Variants in BACH2 observed in about 807,000 individuals in gnomAD.
The protein encoded by BACH2 is transcription regulator protein BACH2.
BACH2 carries 5 observed loss-of-function variants against 61.8 expected under a neutral mutation model. The observed-to-expected ratio is 0.08, with a 90% CI of 0.04 to 0.17. BACH2 has a LOEUF of 0.17. Among genes scored for constraint, BACH2 ranks in the 10% least tolerant of loss-of-function variants. The pLI, the probability that BACH2 is intolerant of heterozygous loss-of-function variation, is 1.00. For missense variants in BACH2, 824 were observed against 1,091.1 expected (o/e 0.76, Z 3.45); for synonymous variants, 446 against 440.1 (o/e 1.01, Z -0.17).
intron 7 of BACH2, 65 bp from the exon 8 acceptor site, chr6:89,938,415 C>T: frequency 1.4e-6 from 2 of 1,413,990 alleles, no homozygotes; most frequent in Non-Finnish European, 9.8e-7. Context: ...GGCGGAACAT[C>T]AAAAATGATA....
chr6:90,246,533 A>G (rs1376404661), intron 3 of BACH2, among the ~76,000 whole-genome samples: 1 of 152,180 alleles, frequency 6.6e-6, no homozygotes, highest in Non-Finnish European at 1.5e-5. Context: ...TAAGATACAT[A>G]CATTCACCCG....
chr6:90,100,782 A>G (rs948228890), intron 4 of BACH2, among the ~76,000 whole-genome samples: 7 of 146,242 alleles, frequency 4.8e-5, no homozygotes, highest in African/African-American at 1.5e-4. Flanking sequence ...GCAGAACCCT[A>G]ACTAATATAC....
intron 4 of BACH2, among the ~76,000 whole-genome samples, chr6:90,100,263 G>C (rs1782557517): frequency 6.6e-6 from 1 of 152,070 alleles, no homozygotes; most frequent in South Asian, 2.1e-4. Flanking sequence ...AGACATATTT[G>C]GACATGTTTT....
Position 90,090,994 on chromosome 6 carries a change from TTGTA to T in BACH2, c.-161-1889_-161-1886del, listed in dbSNP as rs536400317. ...GTGTGTCCACTCCAATGCCAGGTCC[TTGTA>T]TGTATTATCTCATTTAACGCCAAGT... On this transcript the variant is annotated intron_variant, in intron 4 of 8. Transcript: ENST00000257749. Among the ~76,000 whole-genome samples the T allele has an allele frequency of 4.1e-3, 630 of 152,330 alleles. 7 individuals carry two copies. The highest frequency in any genetic ancestry group is 2.4e-3 in the Non-Finnish European group (163 of 68,034).
At chr6:90,086,376 G>A (rs1309903425) in intron 5 of BACH2, among the ~76,000 whole-genome samples, 1 of 151,954 alleles carries the variant, frequency 6.6e-6, no homozygotes, top group East Asian at 1.9e-4. Flanking sequence ...TGGATCACTT[G>A]GTAATCCTGT....
chr6:90,178,389 A>G (rs1182919060), intron 4 of BACH2, among the ~76,000 whole-genome samples: 1 of 152,156 alleles, frequency 6.6e-6, no homozygotes, highest in Admixed American at 6.5e-5. Flanking sequence ...ACTAGAAACA[A>G]AAAGATTCTT....
chr6:90,038,096 A>C (rs1779351253), intron 5 of BACH2, among the ~76,000 whole-genome samples: 1 of 152,242 alleles, frequency 6.6e-6, no homozygotes, highest in Non-Finnish European at 1.5e-5. Context: ...TAAGGCATCC[A>C]GTTTGTGGTA....
intron 8 of BACH2, among the ~76,000 whole-genome samples, chr6:89,933,457 C>A (rs568308405): frequency 6.6e-6 from 1 of 152,110 alleles, no homozygotes; most frequent in South Asian, 2.1e-4. Flanking sequence ...CTGGTGGATC[C>A]ATGTCATTAT....
intron 4 of BACH2, among the ~76,000 whole-genome samples, chr6:90,094,730 T>C (rs1207336784): frequency 2.0e-5 from 3 of 152,178 alleles, no homozygotes; most frequent in Admixed American, 2.0e-4. Context: ...CCCAAGGGGA[T>C]CATGTTCAGC....
chr6:89,965,084 G>A (rs1027442064), intron 6 of BACH2, among the ~76,000 whole-genome samples: 10 of 151,958 alleles, frequency 6.6e-5, no homozygotes, highest in Non-Finnish European at 1.5e-4. Flanking sequence ...AAGGGGTTTC[G>A]CCATGTTGGT....
chr6:90,216,706 C>T (rs1769549723), intron 3 of BACH2, among the ~76,000 whole-genome samples: 1 of 152,156 alleles, frequency 6.6e-6, no homozygotes, highest in Non-Finnish European at 1.5e-5. Context: ...TGACGTAAAG[C>T]GTGAGCTTCT....
intron 3 of BACH2, among the ~76,000 whole-genome samples, chr6:90,216,971 G>A (rs746282816): frequency 3.3e-5 from 5 of 152,144 alleles, no homozygotes; most frequent in Non-Finnish European, 7.3e-5. Flanking sequence ...GAACATTCAA[G>A]GATATGGGTA....
chr6:90,215,387 T>G (rs1023345555), intron 3 of BACH2, among the ~76,000 whole-genome samples: 1 of 152,164 alleles, frequency 6.6e-6, no homozygotes, highest in Non-Finnish European at 1.5e-5. Flanking sequence ...TGTGTGAGTA[T>G]AGACACCATA....
chr6:90,085,732 C>G lies in BACH2; in HGVS notation c.-13+3229G>C, dbSNP rs79410342. Among the ~76,000 whole-genome samples, 879 of 152,272 alleles carry G rather than the reference C, an allele frequency of 5.8e-3. 50 individuals are homozygous for G. The East Asian group carries it at 0.13, about 23-fold the overall frequency. On this transcript the variant is annotated intron_variant, in intron 5 of 8. Transcript: ENST00000257749. Reference sequence around the variant, plus strand: ...GTGAGAGACATAATGATCTGTTCTTCCTGCACCCTCACAAACTGCAGCATC... The same window carrying G: ...GTGAGAGACATAATGATCTGTTCTTGCTGCACCCTCACAAACTGCAGCATC...
chr6:90,296,629 G>A lies in BACH2; in HGVS notation c.-595C>T, dbSNP rs1772405078. 1 of 152,350 alleles carries A rather than the reference G, an allele frequency of 6.6e-6. No homozygotes were observed. Among genetic ancestry groups the A allele is most frequent in the Admixed American group, 6.6e-5 (1 of 15,218 alleles). 9.4% of individuals were successfully genotyped at this position (152,350 alleles called of 1,614,324 possible). ...CGCATCACATGGCAGCTCGTTCCCAGCCCCCCGAGTGCGCCGGGAAGGGGG... is the reference window on the plus strand; with the variant it reads ...CGCATCACATGGCAGCTCGTTCCCAACCCCCCGAGTGCGCCGGGAAGGGGG... On this transcript the variant is annotated 5_prime_UTR_variant, in exon 1 of 9. Transcript: ENST00000257749.
intron 6 of BACH2, among the ~76,000 whole-genome samples, chr6:89,982,227 G>A (rs979374589): frequency 6.6e-6 from 1 of 152,214 alleles, no homozygotes; most frequent in Non-Finnish European, 1.5e-5. Context: ...GTCTAAAACA[G>A]TGGGCCTGAG....
At chr6:90,279,430 G>A (rs1771790283) in intron 1 of BACH2, among the ~76,000 whole-genome samples, 1 of 151,632 alleles carries the variant, frequency 6.6e-6, no homozygotes, top group Non-Finnish European at 1.5e-5. Context: ...GGCTGAGGCA[G>A]GAGAGTCGCT....
chr6:90,070,021 G>A (rs944281002), intron 5 of BACH2, among the ~76,000 whole-genome samples: 4 of 152,140 alleles, frequency 2.6e-5, no homozygotes, highest in Non-Finnish European at 5.9e-5. Context: ...CTGACAACAC[G>A]ATCATTGTGG....
At chr6:90,147,990 A>C (rs1277763697) in intron 4 of BACH2, among the ~76,000 whole-genome samples, 1 of 152,224 alleles carries the variant, frequency 6.6e-6, no homozygotes, top group Non-Finnish European at 1.5e-5. Context: ...AAATGAGATG[A>C]GATTACAGAA....
Sources: allele counts gnomAD v4.1 joint callset (sites outside exome capture counted in the v4.1 genomes callset), GRCh38; gene constraint gnomAD v4.1.1; transcripts MANE v1.5; gene names NCBI Gene and HGNC (gene_info 2026-07-23, HGNC 2026-07-21).